Variants in TAS2R43 observed in about 807,000 individuals in gnomAD.
The protein encoded by TAS2R43 is taste receptor type 2 member 43.
For missense variants in TAS2R43, 246 were observed against 348.2 expected (o/e 0.71, Z 2.34); for synonymous variants, 76 against 117.4 (o/e 0.65, Z 2.28).
At position 11,091,824 on chromosome 12, in the gene TAS2R43, G is replaced by A; in HGVS notation, c.406C>T (p.Pro136Ser). The A allele has an allele frequency of 1.3e-6, 2 of 1,503,978 alleles. No individual in the cohort carries two copies. The highest frequency in any genetic ancestry group is 1.8e-6 in the Non-Finnish European group (2 of 1,085,876). The allele number at this position is 1,503,978 out of a possible 1,614,324, so 93.2% of individuals were successfully genotyped here. The change falls in exon 1 of 1, where the codon CCT (proline) becomes TCT (serine). Residue 136 changes from proline (P) to serine (S), a missense_variant. Physicochemically the swap from Pro to Ser is moderately conservative, Grantham distance 74 (BLOSUM62 -1). Coordinates refer to ENST00000531678, the MANE Select transcript of TAS2R43 (RefSeq NM_176884.2). ...KSVILVMLLG[P>S]LLFLACHLFV... ...AGATGACAAGCCAAAAATAGCAAAG[G>A]CCCCAACAACATCACCAGAATGACA...
In TAS2R43 at chr12:11,091,428, T is replaced by C. The variant is rs202101405; in HGVS notation, c.802A>G (p.Arg268Gly). 36,658 of 1,020,246 alleles carry C rather than the reference T, an allele frequency of 0.036. 9,792 individuals are homozygous for C. Among genetic ancestry groups the C allele is most frequent in the Admixed American group, 0.081 (2,856 of 35,436 alleles). The allele number at this position is 1,020,246 out of a possible 1,614,324, so 63.2% of individuals were successfully genotyped here. ...GGGTGGATTGAAGGATAGCTGAATC[T>C]AATAGCTTTGCAGAACATGAAGACA... Reference protein sequence around the residue: ...KPVFMFCKAIRFSYPSIHPFI... With the variant: ...KPVFMFCKAIGFSYPSIHPFI... Residue 268 changes from arginine (R) to glycine (G), a missense_variant, in exon 1 of 1, where the codon AGA becomes GGA. Transcript: ENST00000531678.
rs199768488 is a variant in TAS2R43 at position 11,091,492 on chromosome 12, C to G, written c.738G>C (p.Met246Ile). The G allele has an allele frequency of 3.9e-6, 5 of 1,283,668 alleles. No homozygotes were observed. The African/African-American group carries it at 8.0e-5, about 21-fold the overall frequency. The allele number at this position is 1,283,668 out of a possible 1,614,324, so 79.5% of individuals were successfully genotyped here. A position where few individuals can be genotyped will look rare whatever the true frequency, so the allele number is the denominator to read the frequency against. The change falls in exon 1 of 1, where the codon ATG becomes ATC. Residue 246 changes from methionine (M) to isoleucine (I), a missense_variant. Transcript: ENST00000531678. Reference protein sequence around the residue: ...LLCAIYFLSIMISVWSFGSLE... With the variant: ...LLCAIYFLSIIISVWSFGSLE... ...GACTTCCAAAACTCCAAACTGATAT[C>G]ATTATGGACAGAAAGTAAATGGCAC...
At position 11,091,775 on chromosome 12, in the gene TAS2R43, A is replaced by G. The variant is rs770491026; in HGVS notation, c.455T>C (p.Ile152Thr). Reference protein sequence around the residue: ...CHLFVINMNEIVRTKEFEGNM... With the variant: ...CHLFVINMNETVRTKEFEGNM... ...TCCTTCAAATTCTTTTGTCCGCACA[A>G]TCTCATTCATGTTTATCACAAAAAG... Residue 152 changes from isoleucine (I) to threonine (T), a missense_variant, in exon 1 of 1, where the codon ATT (isoleucine) becomes ACT (threonine). Physicochemically the swap from Ile to Thr is moderately conservative, Grantham distance 89 (BLOSUM62 -1). Transcript: ENST00000531678. 7.9e-6 allele frequency: 11 copies of G among 1,383,832 alleles called. No homozygotes were observed. Among genetic ancestry groups the G allele is most frequent in the Non-Finnish European group, 1.1e-5 (11 of 976,186 alleles). 85.7% of individuals were successfully genotyped at this position (1,383,832 alleles called of 1,614,324 possible).
In TAS2R43 at chr12:11,092,132, A is replaced by G. The variant is rs201645619; in HGVS notation, c.98T>C (p.Ile33Thr). The G allele has an allele frequency of 0.45, 351,729 of 787,018 alleles. 100,154 individuals are homozygous for G. The highest frequency in any genetic ancestry group is 0.47 in the East Asian group (7,253 of 15,438). 48.8% of individuals were successfully genotyped at this position (787,018 alleles called of 1,614,324 possible). Residue 33 changes from isoleucine to threonine, a missense_variant, in exon 1 of 1, where the codon ATT (isoleucine) becomes ACT (threonine). Ile to Thr is a moderately conservative substitution (Grantham distance 89). Transcript: ENST00000531678. Reference sequence around the variant, plus strand: ...GATCTTTTGTCTCTTGAACCACTCAATGGAATTTACCAGTGCTATGAAGCC... The same window carrying G: ...GATCTTTTGTCTCTTGAACCACTCAGTGGAATTTACCAGTGCTATGAAGCC... ...ANGFIALVNS[I>T]EWFKRQKISF... is the part of the protein sequence containing the mutation.
chr12:11,091,422 T>A lies in TAS2R43; in HGVS notation c.808A>T (p.Ser270Cys), dbSNP rs371611642. ...VFMFCKAIRF[S>C]YPSIHPFILI... is the part of the protein sequence containing the mutation. ...ATGAATGGGTGGATTGAAGGATAGC[T>A]GAATCTAATAGCTTTGCAGAACATG... is the stretch of plus-strand genomic sequence containing the variant. Residue 270 changes from serine (S) to cysteine (C), a missense_variant, in exon 1 of 1, where the codon AGC (serine) becomes TGC (cysteine). Coordinates refer to ENST00000531678, the MANE Select transcript of TAS2R43 (RefSeq NM_176884.2). The A allele has an allele frequency of 4.8e-5, 60 of 1,253,190 alleles. 9 individuals are homozygous for A. Among genetic ancestry groups the A allele is most frequent in the Non-Finnish European group, 6.8e-5 (60 of 883,044 alleles). The allele number at this position is 1,253,190 out of a possible 1,614,324, so 77.6% of individuals were successfully genotyped here.
rs749586928 is a variant in TAS2R43 at position 11,092,184 on chromosome 12, T to G, written c.46A>C (p.Thr16Pro). The change falls in exon 1 of 1, where the codon ACA (threonine) becomes CCA (proline). Residue 16 changes from threonine to proline, a missense_variant. Thr to Pro is a conservative substitution (Grantham distance 38). Coordinates refer to ENST00000531678, the MANE Select transcript of TAS2R43 (RefSeq NM_176884.2). Reference sequence around the variant, plus strand: ...TTAGCAAAATTTCCAATAACAAATGTAACCACTACCAGACTGGAAAAAATG... The same window carrying G: ...TTAGCAAAATTTCCAATAACAAATGGAACCACTACCAGACTGGAAAAAATG... ...PIIFSSLVVVTFVIGNFANGF... is the reference protein window; with the variant it reads ...PIIFSSLVVVPFVIGNFANGF... The G allele has an allele frequency of 3.8e-5, 52 of 1,350,698 alleles. 7 individuals carry two copies. The highest frequency in any genetic ancestry group is 4.7e-5 in the Non-Finnish European group (45 of 957,454). The allele number at this position is 1,350,698 out of a possible 1,614,324, so 83.7% of individuals were successfully genotyped here.
In TAS2R43 at chr12:11,091,650, A is replaced by G. The variant is rs1565645670; in HGVS notation, c.580T>C (p.Ser194Pro). ...NLVPFTLTLL[S>P]FMLLICSLCK... ...AAAGAACAGATTAACAGCATAAAAG[A>G]TAGTAGGGTCAGAGTGAAGGGTACT... The change falls in exon 1 of 1, where the codon TCT (serine) becomes CCT (proline). Residue 194 changes from serine to proline, a missense_variant. Physicochemically the swap from Ser to Pro is moderately conservative, Grantham distance 74 (BLOSUM62 -1). Transcript: ENST00000531678. 3 of 1,244,492 alleles carry G rather than the reference A, an allele frequency of 2.4e-6. 1 individual carries two copies. Among genetic ancestry groups the G allele is most frequent in the Non-Finnish European group, 3.4e-6 (3 of 877,722 alleles). The allele number at this position is 1,244,492 out of a possible 1,614,324, so 77.1% of individuals were successfully genotyped here. A position where few individuals can be genotyped will look rare whatever the true frequency, so the allele number is the denominator to read the frequency against.
At position 11,091,960 on chromosome 12, in the gene TAS2R43, C is replaced by G; in HGVS notation, c.270G>C (p.Val90=). Residue 90 remains valine (V), a synonymous_variant, in exon 1 of 1, where the codon GTG becomes GTC. Transcript: ENST00000531678. ...VRTTAYNIWA[V]INHFSNWLAT... is the part of the protein sequence containing the mutation. ...CAAGCCAGTTGCTGAAATGGTTGAT[C>G]ACTGCCCAGATATTATAAGCAGTAG... 4.7e-6 allele frequency: 5 copies of G among 1,074,206 alleles called. No individual in the cohort carries two copies. The highest frequency in any genetic ancestry group is 6.7e-6 in the Non-Finnish European group (5 of 749,598). 66.5% of individuals were successfully genotyped at this position (1,074,206 alleles called of 1,614,324 possible).
chr12:11,091,876 A>G lies in TAS2R43; in HGVS notation c.354T>C (p.Phe118=), dbSNP rs1467906128. 7.7e-7 allele frequency: 1 copy of G among 1,306,068 alleles called. No homozygotes were observed. The highest frequency in any genetic ancestry group is 1.1e-6 in the Non-Finnish European group (1 of 918,956). 80.9% of individuals were successfully genotyped at this position (1,306,068 alleles called of 1,614,324 possible). The stretch of plus-strand genomic sequence containing the variant: ...TCTTAACTCTCCTCTTTAAGTGAAG[A>G]AAAATAAAGTTGGAGAAATTGGCAA... ...LKIANFSNFI[F]LHLKRRVKSV... Residue 118 remains phenylalanine, a synonymous_variant, in exon 1 of 1, where the codon TTT becomes TTC. Transcript: ENST00000531678.
chr12:11,091,384 T>C lies in TAS2R43; in HGVS notation c.846A>G (p.Gly282=), dbSNP rs753033072. 7.4e-7 allele frequency: 1 copy of C among 1,343,934 alleles called. No homozygotes were observed. Among genetic ancestry groups the C allele is most frequent in the Non-Finnish European group, 1.0e-6 (1 of 970,804 alleles). 83.3% of individuals were successfully genotyped at this position (1,343,934 alleles called of 1,614,324 possible). A position where few individuals can be genotyped will look rare whatever the true frequency, so the allele number is the denominator to read the frequency against. The change falls in exon 1 of 1, where the codon GGA becomes GGG. Residue 282 remains glycine (G), a synonymous_variant. Transcript: ENST00000531678. ...GAAAAGTCTGCTTTAGCTTCTTGTT[T>C]CCCCAAATCAGGATGAATGGGTGGA... ...PSIHPFILIW[G]NKKLKQTFLS...
At position 11,091,421 on chromosome 12, in the gene TAS2R43, C is replaced by T; in HGVS notation, c.809G>A (p.Ser270Asn). 8.0e-7 allele frequency: 1 copy of T among 1,252,982 alleles called. No homozygotes were observed. The highest frequency in any genetic ancestry group is 1.2e-5 in the South Asian group (1 of 85,394). 77.6% of individuals were successfully genotyped at this position (1,252,982 alleles called of 1,614,324 possible). Residue 270 changes from serine (S) to asparagine (N), a missense_variant, in exon 1 of 1, where the codon AGC (serine) becomes AAC (asparagine). Coordinates refer to ENST00000531678, the MANE Select transcript of TAS2R43 (RefSeq NM_176884.2). ...GATGAATGGGTGGATTGAAGGATAG[C>T]TGAATCTAATAGCTTTGCAGAACAT... ...VFMFCKAIRF[S>N]YPSIHPFILI...
chr12:11,091,731 T>G lies in TAS2R43; in HGVS notation c.499A>C (p.Lys167Gln). Residue 167 changes from lysine to glutamine, a missense_variant, in exon 1 of 1, where the codon AAA becomes CAA. Lys to Gln is a moderately conservative substitution (Grantham distance 53). Coordinates refer to ENST00000531678, the MANE Select transcript of TAS2R43 (RefSeq NM_176884.2). Reference protein sequence around the residue: ...EFEGNMTWKIKLKSAMYFSNM... With the variant: ...EFEGNMTWKIQLKSAMYFSNM... ...GAAAAGTACATTGCACTCTTCAATT[T>G]GATCTTCCAAGTCATGTTTCCTTCA... The G allele has an allele frequency of 1.5e-6, 2 of 1,303,604 alleles. No homozygotes were observed. Among genetic ancestry groups the G allele is most frequent in the Non-Finnish European group, 2.2e-6 (2 of 917,896 alleles). The allele number at this position is 1,303,604 out of a possible 1,614,324, so 80.8% of individuals were successfully genotyped here.
At position 11,091,656 on chromosome 12, in the gene TAS2R43, G is replaced by A; in HGVS notation, c.574C>T (p.Leu192=). The A allele has an allele frequency of 8.0e-7, 1 of 1,245,732 alleles. No homozygotes were observed. Among genetic ancestry groups the A allele is most frequent in the Non-Finnish European group, 1.1e-6 (1 of 878,980 alleles). 77.2% of individuals were successfully genotyped at this position (1,245,732 alleles called of 1,614,324 possible). Residue 192 remains leucine, a synonymous_variant, in exon 1 of 1, where the codon CTA becomes TTA. Coordinates refer to ENST00000531678, the MANE Select transcript of TAS2R43 (RefSeq NM_176884.2). ...VANLVPFTLT[L]LSFMLLICSL... ...CAGATTAACAGCATAAAAGATAGTA[G>A]GGTCAGAGTGAAGGGTACTAAGTTT... is the stretch of plus-strand genomic sequence containing the variant.
rs774563233 is a variant in TAS2R43 at position 11,091,596 on chromosome 12, G to A, written c.634C>T (p.His212Tyr). The change falls in exon 1 of 1, where the codon CAT becomes TAT. Residue 212 changes from histidine (H) to tyrosine (Y), a missense_variant. By Grantham distance (83) the His-to-Tyr change is moderately conservative. Coordinates refer to ENST00000531678, the MANE Select transcript of TAS2R43 (RefSeq NM_176884.2). ...LCKHLKKMQL[H>Y]GKGSQDPSTK... The stretch of plus-strand genomic sequence containing the variant: ...CTGGGATCTTGAGATCCTTTACCAT[G>A]GAGCTGCATCTTCTTGAGATGTTTA... 2 of 1,320,648 alleles carry A rather than the reference G, an allele frequency of 1.5e-6. No homozygotes were observed. Among genetic ancestry groups the A allele is most frequent in the South Asian group, 1.1e-5 (1 of 86,992 alleles). The allele number at this position is 1,320,648 out of a possible 1,614,324, so 81.8% of individuals were successfully genotyped here.
Position 11,092,242 on chromosome 12 carries a change from A to C in TAS2R43, c.-13T>G, listed in dbSNP as rs1372447601. 1 of 1,258,668 alleles carries C rather than the reference A, an allele frequency of 7.9e-7. No individual in the cohort carries two copies. Among genetic ancestry groups the C allele is most frequent in the Admixed American group, 2.1e-5 (1 of 47,316 alleles). The allele number at this position is 1,258,668 out of a possible 1,614,324, so 78.0% of individuals were successfully genotyped here. ...GAAAAGTTATCATGTCTGAACAGAC[A>C]AAAAAAATTTTTTTAAATGCTGGTG... On this transcript the variant is annotated 5_prime_UTR_variant, in exon 1 of 1. Coordinates refer to ENST00000531678, the MANE Select transcript of TAS2R43 (RefSeq NM_176884.2).
At position 11,091,506 on chromosome 12, in the gene TAS2R43, A is replaced by G. The variant is rs1233435417; in HGVS notation, c.724T>C (p.Phe242Leu). 1 of 1,436,892 alleles carries G rather than the reference A, an allele frequency of 7.0e-7. No homozygotes were observed. Among genetic ancestry groups the G allele is most frequent in the East Asian group, 2.3e-5 (1 of 44,188 alleles). 89.0% of individuals were successfully genotyped at this position (1,436,892 alleles called of 1,614,324 possible). A position where few individuals can be genotyped will look rare whatever the true frequency, so the allele number is the denominator to read the frequency against. Residue 242 changes from phenylalanine (F) to leucine (L), a missense_variant, in exon 1 of 1, where the codon TTT becomes CTT. By Grantham distance (22) the Phe-to-Leu change is conservative. Transcript: ENST00000531678. ...ISFLLLCAIYFLSIMISVWSF... is the reference protein window; with the variant it reads ...ISFLLLCAIYLLSIMISVWSF... Reference sequence around the variant, plus strand: ...CAAACTGATATCATTATGGACAGAAAGTAAATGGCACATAACAAGAGGAAG... The same window carrying G: ...CAAACTGATATCATTATGGACAGAAGGTAAATGGCACATAACAAGAGGAAG...
In TAS2R43 at chr12:11,091,409, A is replaced by G. The variant is rs200479139; in HGVS notation, c.821T>C (p.Ile274Thr). 27,789 of 1,027,724 alleles carry G rather than the reference A, an allele frequency of 0.027. 7,091 individuals are homozygous for G. Among genetic ancestry groups the G allele is most frequent in the Admixed American group, 0.057 (2,072 of 36,114 alleles). 63.7% of individuals were successfully genotyped at this position (1,027,724 alleles called of 1,614,324 possible). The stretch of plus-strand genomic sequence containing the variant: ...TCCCCAAATCAGGATGAATGGGTGG[A>G]TTGAAGGATAGCTGAATCTAATAGC... ...CKAIRFSYPS[I>T]HPFILIWGNK... The change falls in exon 1 of 1, where the codon ATC (isoleucine) becomes ACC (threonine). Residue 274 changes from isoleucine to threonine, a missense_variant. Physicochemically the swap from Ile to Thr is moderately conservative, Grantham distance 89. Transcript: ENST00000531678.
the TAS2R43 span, chr12:11,091,454 GGTTT>G: frequency 4.0e-6 from 5 of 1,264,826 alleles, no homozygotes; most frequent in Non-Finnish European, 5.6e-6. Context: ...CATGAAGACA[GGTTT>G]GTTTTCCAGA....
rs759671855 is a variant in TAS2R43, at chr12:11,091,976, T to C, written c.254A>G (p.Tyr85Cys). The change falls in exon 1 of 1, where the codon TAT becomes TGT. Residue 85 changes from tyrosine (Y) to cysteine (C), a missense_variant. Transcript: ENST00000531678. ...FNSVEVRTTA[Y>C]NIWAVINHFS... Reference sequence around the variant, plus strand: ...ATGGTTGATCACTGCCCAGATATTATAAGCAGTAGTTCTTACTTCTACACT... The same window carrying C: ...ATGGTTGATCACTGCCCAGATATTACAAGCAGTAGTTCTTACTTCTACACT... 1 of 1,313,548 alleles carries C rather than the reference T, an allele frequency of 7.6e-7. No individual in the cohort carries two copies. The highest frequency in any genetic ancestry group is 1.2e-5 in the South Asian group (1 of 85,696). 81.4% of individuals were successfully genotyped at this position (1,313,548 alleles called of 1,614,324 possible).
Sources: gnomAD v4.1 joint callset for allele counts on GRCh38, gnomAD v4.1.1 for gene constraint, MANE v1.5 for transcripts, NCBI Gene and HGNC (gene_info 2026-07-23, HGNC 2026-07-21) for gene names.